Variants in FHIT observed in about 807,000 individuals in gnomAD.
FHIT encodes the protein bis(5'-adenosyl)-triphosphatase.
FHIT carries 19 observed loss-of-function variants against 17.9 expected under a neutral mutation model. The ratio of observed to expected loss-of-function variants is 1.06; its 90% CI spans 0.74 to 1.56. The LOEUF (loss-of-function observed/expected upper bound fraction) is 1.56, where lower values mean the gene tolerates loss of function less well. Among genes scored for constraint, FHIT ranks in the 40% most tolerant of loss-of-function variants. The pLI, the probability that FHIT is intolerant of heterozygous loss-of-function variation, is 0.00. For missense variants in FHIT, 248 were observed against 189.2 expected (o/e 1.31, Z -1.82); for synonymous variants, 81 against 69.7 (o/e 1.16, Z -0.81).
At chr3:61,171,579 C>T (rs2038006252) in intron 2 of FHIT, among the ~76,000 whole-genome samples, 1 of 152,150 alleles carries the variant, frequency 6.6e-6, no homozygotes, top group Non-Finnish European at 1.5e-5. Flanking sequence ...ACTATTTATT[C>T]AACTTTCATA....
At chr3:59,818,320 G>T (rs1248925549) in intron 8 of FHIT, among the ~76,000 whole-genome samples, 1 of 152,084 alleles carries the variant, frequency 6.6e-6, no homozygotes, top group Non-Finnish European at 1.5e-5. Flanking sequence ...AACACAGCGT[G>T]TGCAAGGTTT....
At chr3:60,744,268 C>CA (rs374691493) in intron 4 of FHIT, among the ~76,000 whole-genome samples, 85 of 80,106 alleles carry the variant, frequency 1.1e-3, no homozygotes, top group African/African-American at 2.4e-3. Context: ...CAAAACAAAA[C>CA]AAAAAAAAAA....
Position 61,151,373 on chromosome 3 carries a change from A to G in FHIT, c.-164+49244T>C, listed in dbSNP as rs191770154. On this transcript the variant is annotated intron_variant, in intron 2 of 9. Transcript: ENST00000492590. ...ATTTCCAGGAATGGCATACTTGCCT[A>G]TGTTCTCTACCTCAAAACTGCATTA... Among the ~76,000 whole-genome samples, 143 of 152,292 alleles carry G rather than the reference A, an allele frequency of 9.4e-4. 1 individual carries two copies. Among genetic ancestry groups the G allele is most frequent in the African/African-American group, 3.2e-3 (134 of 41,568 alleles).
rs149335569 is a variant in FHIT, at chr3:60,600,440, A to G, written c.-17-63461T>C. Among the ~76,000 whole-genome samples, 351 of 152,274 alleles carry G rather than the reference A, an allele frequency of 2.3e-3. 2 individuals carry two copies. The highest frequency in any genetic ancestry group is 0.01 in the Middle Eastern group (3 of 294). On this transcript the variant is annotated intron_variant, in intron 4 of 9. Transcript: ENST00000492590. Reference sequence around the variant, plus strand: ...TTACAGAATCACACTCCCCACCTCCACCCTGCAAGAAACTAATTTTTAAAA... The same window carrying G: ...TTACAGAATCACACTCCCCACCTCCGCCCTGCAAGAAACTAATTTTTAAAA...
At chr3:59,774,380 G>T (rs113657244) in intron 8 of FHIT, among the ~76,000 whole-genome samples, 4 of 152,190 alleles carry the variant, frequency 2.6e-5, no homozygotes, top group African/African-American at 7.2e-5. Flanking sequence ...GTTCATTCCA[G>T]AACTGGACCG....
chr3:60,027,782 G>C (rs1700815379), intron 5 of FHIT, among the ~76,000 whole-genome samples: 1 of 150,732 alleles, frequency 6.6e-6, no homozygotes, highest in African/African-American at 2.4e-5. Flanking sequence ...CAGTGTTATT[G>C]ATATTCCTCG....
chr3:61,066,203 C>T (rs2034604334), intron 2 of FHIT, among the ~76,000 whole-genome samples: 1 of 152,136 alleles, frequency 6.6e-6, no homozygotes, highest in Non-Finnish European at 1.5e-5. Flanking sequence ...GGTAGATCCC[C>T]CATGCCCTAA....
At chr3:60,418,194 T>G (rs1273987109) in intron 5 of FHIT, among the ~76,000 whole-genome samples, 1 of 151,840 alleles carries the variant, frequency 6.6e-6, no homozygotes, top group Non-Finnish European at 1.5e-5. Flanking sequence ...AAACCTCGCT[T>G]TATGTCTCAA....
chr3:60,845,209 T>C (rs1335493963), intron 3 of FHIT, among the ~76,000 whole-genome samples: 1 of 152,066 alleles, frequency 6.6e-6, no homozygotes, highest in African/African-American at 2.4e-5. Context: ...CACAAATTAA[T>C]TTTTTTAGCC....
intron 4 of FHIT, among the ~76,000 whole-genome samples, chr3:60,743,510 A>G (rs546196359): frequency 6.6e-6 from 1 of 152,298 alleles, no homozygotes; most frequent in Non-Finnish European, 1.5e-5. Context: ...TTTGGCCTGC[A>G]CCTTGTGTAT....
intron 8 of FHIT, among the ~76,000 whole-genome samples, chr3:59,829,508 T>C (rs909049207): frequency 6.6e-6 from 1 of 152,198 alleles, no homozygotes; most frequent in African/African-American, 2.4e-5. Context: ...CCATGCTGCC[T>C]TACTCATAGC....
chr3:60,143,620 T>C (rs1700124422), intron 5 of FHIT, among the ~76,000 whole-genome samples: 1 of 152,134 alleles, frequency 6.6e-6, no homozygotes, highest in Non-Finnish European at 1.5e-5. Context: ...TATGCAGCAA[T>C]GGAAAACAAA....
chr3:60,227,522 C>A (rs1704271034), intron 5 of FHIT, among the ~76,000 whole-genome samples: 1 of 152,162 alleles, frequency 6.6e-6, no homozygotes, highest in African/African-American at 2.4e-5. Context: ...AATTTTGTGA[C>A]ACCTGTATTT....
At position 60,332,953 on chromosome 3, in the gene FHIT, G is replaced by T. The variant is rs532621748; in HGVS notation, c.103+203907C>A. ...TAACGAAAGACTTTAAAAACTTTAG[G>T]AACAATTTATTTAAAGAAAACTCCA... On this transcript the variant is annotated intron_variant, in intron 5 of 9. Coordinates refer to ENST00000492590, the MANE Select transcript of FHIT (RefSeq NM_002012.4). Among the ~76,000 whole-genome samples, 4 of 152,166 alleles carry T rather than the reference G, an allele frequency of 2.6e-5. No homozygotes were observed. In the East Asian group the frequency reaches 7.7e-4, roughly 29 times the overall value.
chr3:59,935,086 C>T (rs764322876), intron 7 of FHIT, among the ~76,000 whole-genome samples: 2 of 152,098 alleles, frequency 1.3e-5, no homozygotes, highest in African/African-American at 4.8e-5. Context: ...GAAGACCATT[C>T]CAAGATAGAG....
chr3:60,552,682 A>G (rs903319474), intron 4 of FHIT, among the ~76,000 whole-genome samples: 1 of 151,926 alleles, frequency 6.6e-6, no homozygotes, highest in African/African-American at 2.4e-5. Context: ...ATAAGTATTC[A>G]TACCTACTCC....
intron 1 of FHIT, among the ~76,000 whole-genome samples, chr3:61,228,829 T>C (rs13318799): frequency 0.013 from 1,936 of 152,320 alleles, 40 homozygotes; most frequent in African/African-American, 0.044. Flanking sequence ...ACAGCAAAAC[T>C]ACCTTCATAC....
intron 4 of FHIT, among the ~76,000 whole-genome samples, chr3:60,700,686 A>G (rs2041225693): frequency 6.6e-6 from 1 of 152,212 alleles, no homozygotes; most frequent in Non-Finnish European, 1.5e-5. Flanking sequence ...ATTTAGCAAT[A>G]TATGAAACTC....
At chr3:60,017,982 C>T (rs75592938) in intron 5 of FHIT, among the ~76,000 whole-genome samples, 2,727 of 152,244 alleles carry the variant, frequency 0.018, 83 homozygotes, top group African/African-American at 0.057. Context: ...CCTTGAGTGT[C>T]TATCTTACTT....
Sources: gnomAD v4.1 joint callset for allele counts (sites outside exome capture counted in the v4.1 genomes callset) on GRCh38, gnomAD v4.1.1 for gene constraint, MANE v1.5 for transcripts, NCBI Gene and HGNC (gene_info 2026-07-23, HGNC 2026-07-21) for gene names.